Variants in TMEM74 observed in about 807,000 individuals in gnomAD.
TMEM74 encodes the protein transmembrane protein 74.
In TMEM74, 13 loss-of-function variants were observed where a neutral mutation model predicts 18.1. That is an observed-to-expected ratio of 0.72 (90% CI 0.47 to 1.14). TMEM74 has a LOEUF of 1.14. Ranked by LOEUF, TMEM74 falls within the 50% of genes most tolerant of loss-of-function variation. TMEM74 has a pLI of 0.00. For synonymous variants in TMEM74, 159 were observed against 146.6 expected (o/e 1.08, Z -0.61); for missense variants, 372 against 375.9 (o/e 0.99, Z 0.09).
chr8:108,608,434 C>G (rs1284766238), intron 3 of TMEM74, among the ~76,000 whole-genome samples: 1 of 152,224 alleles, frequency 6.6e-6, no homozygotes, highest in South Asian at 2.1e-4. Flanking sequence ...GGTCAGTACT[C>G]AGATCAGTAA....
chr8:108,660,073 A>C (rs1812884983), intron 1 of TMEM74, among the ~76,000 whole-genome samples: 1 of 152,162 alleles, frequency 6.6e-6, no homozygotes. Flanking sequence ...TCTAATAAAT[A>C]CTTGTCATGC....
intron 1 of TMEM74, among the ~76,000 whole-genome samples, chr8:108,720,341 A>G (rs1813573687): frequency 6.6e-6 from 1 of 152,230 alleles, no homozygotes; most frequent in Non-Finnish European, 1.5e-5. Flanking sequence ...GAGCACAGCA[A>G]TGAGAACTCT....
At chr8:108,690,972 T>C (rs1488198107) in intron 1 of TMEM74, among the ~76,000 whole-genome samples, 1 of 152,184 alleles carries the variant, frequency 6.6e-6, no homozygotes. Context: ...GAACCAGGCA[T>C]GGAGGCTGGG....
intron 1 of TMEM74, among the ~76,000 whole-genome samples, chr8:108,706,313 A>G (rs1345618550): frequency 6.6e-6 from 1 of 152,232 alleles, no homozygotes; most frequent in Admixed American, 6.5e-5. Flanking sequence ...CATTCTTTAA[A>G]CCAAAATGGG....
chr8:108,617,642 A>T (rs929946230), intron 2 of TMEM74, among the ~76,000 whole-genome samples: 2 of 152,088 alleles, frequency 1.3e-5, no homozygotes, highest in African/African-American at 4.8e-5. Context: ...TAATCTTCCT[A>T]CAGCTGATCT....
chr8:108,616,151 T>A (rs910027274), intron 2 of TMEM74, among the ~76,000 whole-genome samples: 1 of 152,116 alleles, frequency 6.6e-6, no homozygotes, highest in Non-Finnish European at 1.5e-5. Flanking sequence ...GCTGAGATGA[T>A]CTTCCAAGAG....
At chr8:108,617,264 T>C (rs1369334506) in intron 2 of TMEM74, among the ~76,000 whole-genome samples, 5 of 152,052 alleles carry the variant, frequency 3.3e-5, no homozygotes, top group African/African-American at 1.2e-4. Flanking sequence ...GGTCCTTTGG[T>C]TTCATGAAGC....
intron 1 of TMEM74, among the ~76,000 whole-genome samples, chr8:108,690,988 A>C (rs181557315): frequency 2.5e-4 from 38 of 152,326 alleles, no homozygotes; most frequent in Admixed American, 1.5e-3. Flanking sequence ...CTGGGTTTAA[A>C]CCAAGACACT....
chr8:108,725,717 T>C (rs1474905407), intron 1 of TMEM74, among the ~76,000 whole-genome samples: 3 of 152,102 alleles, frequency 2.0e-5, no homozygotes, highest in Non-Finnish European at 4.4e-5. Context: ...GAGAGGAAAG[T>C]AGGGTCAAGA....
chr8:108,685,215 C>T (rs1308845478), intron 1 of TMEM74, among the ~76,000 whole-genome samples: 1 of 151,782 alleles, frequency 6.6e-6, no homozygotes, highest in Non-Finnish European at 1.5e-5. Flanking sequence ...ATGAGATTAC[C>T]TTCTTGATTT....
chr8:108,767,373 G>A (rs1413718663), intron 1 of TMEM74, among the ~76,000 whole-genome samples: 1 of 152,106 alleles, frequency 6.6e-6, no homozygotes, highest in Non-Finnish European at 1.5e-5. Context: ...TCATCAAAAA[G>A]CAACCTACTT....
rs572351605 is a variant in TMEM74 at position 108,703,339 on chromosome 8, C to T, written n.120-47902G>A. Among the ~76,000 whole-genome samples, 10 of 152,296 alleles carry T rather than the reference C, an allele frequency of 6.6e-5. No homozygotes were observed. The East Asian group carries it at 1.9e-3, about 29-fold the overall frequency. On this transcript the variant is annotated intron_variant and non_coding_transcript_variant, in intron 1 of 3. Transcript: ENST00000518838. ...TTGAGTATATTAAGATGAAGATCAA[C>T]CCCAGCCCTAACTCTGCTTCTCAAT... is the stretch of plus-strand genomic sequence containing the variant.
chr8:108,742,601 A>T (rs1813812986), intron 1 of TMEM74, among the ~76,000 whole-genome samples: 1 of 152,160 alleles, frequency 6.6e-6, no homozygotes, highest in African/African-American at 2.4e-5. Flanking sequence ...TCCTATTTAT[A>T]CTATTCTTTT....
intron 2 of TMEM74, among the ~76,000 whole-genome samples, chr8:108,641,193 T>A (rs939232621): frequency 6.6e-6 from 1 of 152,194 alleles, no homozygotes; most frequent in African/African-American, 2.4e-5. Flanking sequence ...CCTTTTGAAG[T>A]TGGCAGGTAG....
intron 1 of TMEM74, among the ~76,000 whole-genome samples, chr8:108,741,429 T>TCA (rs1813799039): frequency 2.6e-5 from 4 of 152,194 alleles, no homozygotes; most frequent in African/African-American, 9.7e-5. Flanking sequence ...TGATATGAAA[T>TCA]GCTATTTAAA....
chr8:108,741,043 GATA>G (rs1419068590), intron 1 of TMEM74, among the ~76,000 whole-genome samples: 2 of 152,258 alleles, frequency 1.3e-5, no homozygotes, highest in African/African-American at 4.8e-5. Flanking sequence ...AAACAATATA[GATA>G]ATATCTTATA....
At chr8:108,715,543 T>C (rs1463847172) in intron 1 of TMEM74, among the ~76,000 whole-genome samples, 2 of 152,146 alleles carry the variant, frequency 1.3e-5, no homozygotes, top group African/African-American at 4.8e-5. Context: ...AATCATTTTA[T>C]AGTCAGACAA....
At chr8:108,683,637 A>G (rs1330382552) in intron 1 of TMEM74, among the ~76,000 whole-genome samples, 1 of 151,992 alleles carries the variant, frequency 6.6e-6, no homozygotes, top group Non-Finnish European at 1.5e-5. Context: ...GTACATAGTG[A>G]TATTTCGATA....
chr8:108,609,169 G>T (rs1161513361), intron 2 of TMEM74, among the ~76,000 whole-genome samples: 1 of 152,126 alleles, frequency 6.6e-6, no homozygotes, highest in East Asian at 1.9e-4. Flanking sequence ...ACATAAGCAA[G>T]GCTGAAGTTT....
Sources: allele counts gnomAD v4.1 joint callset (sites outside exome capture counted in the v4.1 genomes callset), GRCh38; gene constraint gnomAD v4.1.1; transcripts MANE v1.5; gene names NCBI Gene and HGNC (gene_info 2026-07-23, HGNC 2026-07-21).